UBE3D: variants seen among roughly 807,000 people sequenced by gnomAD.
UBE3D encodes ubiquitin protein ligase E3D.
UBE3D carries 48 observed loss-of-function variants against 49.6 expected under a neutral mutation model. That is an observed-to-expected ratio of 0.97 (90% CI 0.77 to 1.23). The LOEUF is 1.23. UBE3D is among the 50% of genes most tolerant of loss of function. The pLI is 0.00. For synonymous variants in UBE3D, 189 were observed against 174.2 expected, an observed-to-expected ratio of 1.08 and a Z score of -0.67; for missense variants, 452 against 468.4, an observed-to-expected ratio of 0.96 and a Z score of 0.32.
chr6:82,924,744 C>G (rs749328504), intron 9 of UBE3D: 5 of 151,936 alleles, frequency 3.3e-5, no homozygotes, highest in Non-Finnish European at 4.4e-5. Flanking sequence ...TCCATTTATT[C>G]AAAAATATTT....
chr6:82,935,803 T>G (rs1397390313), intron 9 of UBE3D, among the ~76,000 whole-genome samples: 1 of 152,162 alleles, frequency 6.6e-6, no homozygotes, highest in African/African-American at 2.4e-5. Flanking sequence ...AATTCTATAC[T>G]TAGCTTAGCC....
chr6:82,915,542 C>T (rs1582329272), intron 9 of UBE3D, among the ~76,000 whole-genome samples: 1 of 152,334 alleles, frequency 6.6e-6, no homozygotes, highest in Admixed American at 6.5e-5. Context: ...GAACGTGTTT[C>T]TGAAGGATGG....
chr6:83,006,989 C>T (rs1410632215), intron 8 of UBE3D, among the ~76,000 whole-genome samples: 1 of 151,996 alleles, frequency 6.6e-6, no homozygotes, highest in Non-Finnish European at 1.5e-5. Context: ...TAAGGAAATA[C>T]TAGTTTACAA....
At chr6:82,953,353 C>A (rs1775933884) in intron 9 of UBE3D, among the ~76,000 whole-genome samples, 1 of 152,200 alleles carries the variant, frequency 6.6e-6, no homozygotes, top group Non-Finnish European at 1.5e-5. Flanking sequence ...TTTCTAAGGG[C>A]TGAACTCTTC....
chr6:82,937,404 G>C (rs1260562924), intron 9 of UBE3D, among the ~76,000 whole-genome samples: 1 of 151,424 alleles, frequency 6.6e-6, no homozygotes, highest in East Asian at 1.9e-4. Context: ...CTCCATGAGT[G>C]AAGCAAGCTC....
intron 9 of UBE3D, among the ~76,000 whole-genome samples, chr6:82,899,048 G>A (rs550710449): frequency 2.6e-5 from 4 of 152,078 alleles, no homozygotes; most frequent in Non-Finnish European, 5.9e-5. Context: ...CTTAACACCT[G>A]CTTGGAGAAA....
chr6:83,012,639 T>C (rs1780422870), intron 8 of UBE3D, among the ~76,000 whole-genome samples: 2 of 152,226 alleles, frequency 1.3e-5, no homozygotes, highest in African/African-American at 4.8e-5. Flanking sequence ...TCTTCACAGT[T>C]TTTGACCACT....
At chr6:83,038,178 A>G (rs747401028) in intron 5 of UBE3D, 7 of 377,060 alleles carry the variant, frequency 1.9e-5, no homozygotes, top group Non-Finnish European at 3.3e-5. Flanking sequence ...AGGCTATGAA[A>G]CTCTGAAAAT....
rs112054396 is a variant in UBE3D at position 83,022,402 on chromosome 6, T to G, written c.846+51A>C. The G allele has an allele frequency of 2.1e-3, 2,592 of 1,214,066 alleles. 31 individuals are homozygous for G. The African/African-American group carries it at 0.033, about 16-fold the overall frequency. 75.2% of individuals were successfully genotyped at this position (1,214,066 alleles called of 1,614,324 possible). A position where few individuals can be genotyped will look rare whatever the true frequency, so the allele number is the denominator to read the frequency against. On this transcript the variant is annotated intron_variant, in intron 7 of 9. Transcript: ENST00000369747. ...AAAGGATGAAAAAACTGAAGAATTC[T>G]GAGACCTTGGATTCCTAGGCTACAA...
chr6:82,987,424 A>C (rs1358010195), intron 8 of UBE3D, among the ~76,000 whole-genome samples: 1 of 152,144 alleles, frequency 6.6e-6, no homozygotes, highest in Non-Finnish European at 1.5e-5. Flanking sequence ...GGTTTTACTT[A>C]TTTTCCAATT....
chr6:82,920,543 A>C (rs1213750203), intron 9 of UBE3D, among the ~76,000 whole-genome samples: 1 of 152,212 alleles, frequency 6.6e-6, no homozygotes, highest in Non-Finnish European at 1.5e-5. Context: ...TTACCTGTTC[A>C]TTGTGTGACC....
intron 8 of UBE3D, among the ~76,000 whole-genome samples, chr6:83,009,465 T>G (rs371129453): frequency 6.6e-6 from 1 of 151,348 alleles, no homozygotes; most frequent in Non-Finnish European, 1.5e-5. Flanking sequence ...GGAATTCCAG[T>G]GAAATAATCA....
At chr6:83,029,640 A>G (rs1345281672) in intron 5 of UBE3D, among the ~76,000 whole-genome samples, 1 of 152,092 alleles carries the variant, frequency 6.6e-6, no homozygotes, top group Non-Finnish European at 1.5e-5. Context: ...TTCTTTGCAC[A>G]TCTAATAATT....
chr6:82,956,162 A>G (rs949867508), intron 9 of UBE3D, among the ~76,000 whole-genome samples: 1 of 152,218 alleles, frequency 6.6e-6, no homozygotes, highest in African/African-American at 2.4e-5. Flanking sequence ...GCAATATACA[A>G]TGCTCCTGAA....
intron 8 of UBE3D, among the ~76,000 whole-genome samples, chr6:82,966,649 C>CAAAA (rs1204365470): frequency 2.0e-4 from 5 of 25,036 alleles, no homozygotes; most frequent in South Asian, 1.3e-3. Context: ...GACTCCGTCT[C>CAAAA]AAAAAAAAAA....
At chr6:83,034,042 T>C (rs1039998701) in intron 5 of UBE3D, among the ~76,000 whole-genome samples, 5 of 152,234 alleles carry the variant, frequency 3.3e-5, no homozygotes, top group East Asian at 1.9e-4. Context: ...AGTTCTCAAA[T>C]TGTTGCTTCA....
At chr6:83,027,789 C>G (rs546187523) in intron 5 of UBE3D, among the ~76,000 whole-genome samples, 1 of 152,298 alleles carries the variant, frequency 6.6e-6, no homozygotes, top group African/African-American at 2.4e-5. Context: ...CACTGGGTCC[C>G]TTGAATCTAT....
chr6:82,980,142 C>T (rs1423092402), intron 8 of UBE3D, among the ~76,000 whole-genome samples: 3 of 152,002 alleles, frequency 2.0e-5, no homozygotes, highest in African/African-American at 7.2e-5. Context: ...AATGGTAGTT[C>T]TATATTTGAG....
chr6:82,947,565 A>G (rs1201960001), intron 9 of UBE3D, among the ~76,000 whole-genome samples: 1 of 151,714 alleles, frequency 6.6e-6, no homozygotes, highest in African/African-American at 2.4e-5. Flanking sequence ...TGAACAATAC[A>G]TATTCTTCTC....
Sources: gnomAD v4.1 joint callset for allele counts (sites outside exome capture counted in the v4.1 genomes callset) on GRCh38, gnomAD v4.1.1 for gene constraint, MANE v1.5 for transcripts, NCBI Gene and HGNC (gene_info 2026-07-23, HGNC 2026-07-21) for gene names.